The following GALNT16 variants were observed in gnomAD, a reference collection of about 807,000 sequenced individuals.
GALNT16 encodes the protein UDP-GalNAc:polypeptide N-acetylgalactosaminyltransferase-like protein 1.
GALNT16 carries 40 observed loss-of-function variants against 76.1 expected under a neutral mutation model. That is an observed-to-expected ratio of 0.53 (90% CI 0.41 to 0.68). The LOEUF (loss-of-function observed/expected upper bound fraction) is 0.68, where lower values mean the gene tolerates loss of function less well. Ranked by LOEUF, GALNT16 falls within the 30% of genes least tolerant of loss-of-function variation. The pLI, the probability that GALNT16 is intolerant of heterozygous loss-of-function variation, is 0.00. For synonymous variants in GALNT16, 276 were observed against 285.2 expected (o/e 0.97, Z 0.32); for missense variants, 621 against 731.9 (o/e 0.85, Z 1.75).
chr14:69,307,019 G>A (rs902317826), intron 1 of GALNT16, among the ~76,000 whole-genome samples: 1 of 152,102 alleles, frequency 6.6e-6, no homozygotes, highest in Non-Finnish European at 1.5e-5. Flanking sequence ...TGTCCCTCCC[G>A]GATCCAAAGC....
the GALNT16 span, among the ~76,000 whole-genome samples, chr14:69,386,084 G>C: frequency 6.6e-6 from 1 of 152,172 alleles, no homozygotes; most frequent in Non-Finnish European, 1.5e-5. Context: ...ACATTCATTT[G>C]AATGTTCTGA....
At chr14:69,325,437 AT>A in intron 4 of GALNT16, 33 bp downstream of exon 4, 1 of 1,270,008 alleles carries the variant, frequency 7.9e-7, no homozygotes, top group Non-Finnish European at 1.2e-6. Flanking sequence ...GCAGCCCTCC[AT>A]TCCGCCCTCG....
At chr14:69,366,009 G>A in the GALNT16 span, among the ~76,000 whole-genome samples, 9 of 152,276 alleles carry the variant, frequency 5.9e-5, no homozygotes, top group African/African-American at 1.7e-4. Context: ...CAAATAAAAC[G>A]GGACAACGGA....
chr14:69,264,850 G>A (rs1212015150), intron 1 of GALNT16, among the ~76,000 whole-genome samples: 2 of 84,888 alleles, frequency 2.4e-5, no homozygotes, highest in African/African-American at 6.3e-5. Flanking sequence ...GTCTCACTCT[G>A]TCACCCAGGC....
intron 1 of GALNT16, among the ~76,000 whole-genome samples, chr14:69,294,641 ACT>A (rs1174308982): frequency 2.0e-5 from 3 of 151,574 alleles, no homozygotes; most frequent in East Asian, 1.9e-4. Flanking sequence ...CCACTAATTT[ACT>A]CTCTGTCTCC....
rs1555399659 is a variant in GALNT16, at chr14:69,316,778, G to GC, written c.178-3933_178-3932insC. Among the ~76,000 whole-genome samples the GC allele has an allele frequency of 4.0e-5, 5 of 126,418 alleles. No homozygotes were observed. The East Asian group carries it at 1.6e-3, about 40-fold the overall frequency. 82.9% of individuals were successfully genotyped at this position (126,418 alleles called of 152,430 possible). A position where few individuals can be genotyped will look rare whatever the true frequency, so the allele number is the denominator to read the frequency against. ...AGCTTGGGGGCTTGTAGTCTGTGAG[G>GC]GGGGGGGGCACTGAAGGTCACGTGA... On this transcript the variant is annotated intron_variant, in intron 1 of 14. Transcript: ENST00000448469.
intron 6 of GALNT16, among the ~76,000 whole-genome samples, chr14:69,330,674 A>G (rs2045341559): frequency 6.6e-6 from 1 of 152,306 alleles, no homozygotes; most frequent in African/African-American, 2.4e-5. Flanking sequence ...TCCAGACAAG[A>G]GGATTTTGGG....
At position 69,334,711 on chromosome 14, in the gene GALNT16, T is replaced by A. The variant is rs117232742; in HGVS notation, c.967+1111T>A. 1.8e-4 allele frequency among the ~76,000 whole-genome samples: 27 copies of A among 152,238 alleles called. No homozygotes were observed. In the East Asian group the frequency reaches 5.0e-3, roughly 28 times the overall value. On this transcript the variant is annotated intron_variant, in intron 9 of 14. Transcript: ENST00000448469. ...AGCCCATGGCACCAGGTGGAGAGTG[T>A]CAGGGCTAAACACTCACCCTCACTC... is the stretch of plus-strand genomic sequence containing the variant.
downstream of GALNT16, chr14:69,355,757 T>C (rs2045688222): frequency 6.6e-6 from 1 of 152,296 alleles, no homozygotes; most frequent in South Asian, 2.1e-4. Context: ...CTCCCATTTG[T>C]ACAGCAGGGA....
At position 69,333,097 on chromosome 14, in the gene GALNT16, G is replaced by C. The variant is rs771964964; in HGVS notation, c.791G>C (p.Ser264Thr). 5.6e-6 allele frequency: 9 copies of C among 1,613,438 alleles called. No individual in the cohort carries two copies. In the South Asian group the frequency reaches 8.8e-5, roughly 16 times the overall value. ...CTGTGTCCCTTAGGGTTCGACTGGA[G>C]CCTGCATTTCAAGTGGGAGCAGATC... is the stretch of plus-strand genomic sequence containing the variant. ...SADLRGGFDW[S>T]LHFKWEQIPL... Residue 264 changes from serine to threonine, a missense_variant, in exon 8 of 15, where the codon AGC (serine) becomes ACC (threonine). Coordinates refer to ENST00000448469, the MANE Select transcript of GALNT16 (RefSeq NM_001168368.2). The surrounding 1 kb of genome is among the most constrained non-coding windows in gnomAD (Gnocchi z 4.2).
At chr14:69,264,431 G>T (rs2140096340) in intron 1 of GALNT16, among the ~76,000 whole-genome samples, 1 of 152,272 alleles carries the variant, frequency 6.6e-6, no homozygotes, top group South Asian at 2.1e-4. Context: ...GAAAGGTGTT[G>T]TGAAGTTTCT....
chr14:69,339,481 T>G (rs761515847), intron 10 of GALNT16, 46 bp from the exon 11 acceptor site: 3 of 1,123,434 alleles, frequency 2.7e-6, no homozygotes, highest in Admixed American at 3.4e-5. Flanking sequence ...CCGCTAACCC[T>G]GTTGCTTCCC....
chr14:69,274,996 T>A (rs2044453255), intron 1 of GALNT16, among the ~76,000 whole-genome samples: 1 of 152,192 alleles, frequency 6.6e-6, no homozygotes, highest in Non-Finnish European at 1.5e-5. Flanking sequence ...ATGGCACAGC[T>A]TACAAGGGGA....
intron 1 of GALNT16, among the ~76,000 whole-genome samples, chr14:69,275,110 G>A (rs1594813416): frequency 2.6e-5 from 4 of 152,188 alleles, no homozygotes; most frequent in Admixed American, 2.6e-4. Flanking sequence ...GGATTGGAAC[G>A]AGAAAGGGGT....
intron 1 of GALNT16, among the ~76,000 whole-genome samples, chr14:69,312,038 T>TAA (rs67438255): frequency 3.8e-4 from 48 of 125,816 alleles, no homozygotes; most frequent in African/African-American, 8.3e-4. Flanking sequence ...ATCCTGTTTC[T>TAA]AAAAAAAAAA....
chr14:69,373,354 C>T, the GALNT16 span, among the ~76,000 whole-genome samples: 1 of 152,224 alleles, frequency 6.6e-6, no homozygotes, highest in Non-Finnish European at 1.5e-5. Flanking sequence ...TAACTTCAAA[C>T]ATCTATTGAC....
chr14:69,378,876 T>G, the GALNT16 span, among the ~76,000 whole-genome samples: 28,514 of 152,116 alleles, frequency 0.19, 2,804 homozygotes, highest in South Asian at 0.26. Flanking sequence ...ACAGGCCAAA[T>G]GAAAAACAGG....
At position 69,332,051 on chromosome 14, in the gene GALNT16, G is replaced by A. The variant is rs142413688; in HGVS notation, c.778+500G>A. Among the ~76,000 whole-genome samples, 300 of 152,318 alleles carry A rather than the reference G, an allele frequency of 2.0e-3. 1 individual carries two copies. The highest frequency in any genetic ancestry group is 0.01 in the Middle Eastern group (3 of 294). ...ACTAGTCTTGAAAAGTGACTAGTTGGAATTAAGAGTGCTATAGGCATAGAA... is the reference window on the plus strand; with the variant it reads ...ACTAGTCTTGAAAAGTGACTAGTTGAAATTAAGAGTGCTATAGGCATAGAA... On this transcript the variant is annotated intron_variant, in intron 7 of 14. Transcript: ENST00000448469.
At chr14:69,272,671 C>A (rs1398424419) in intron 1 of GALNT16, among the ~76,000 whole-genome samples, 1 of 152,228 alleles carries the variant, frequency 6.6e-6, no homozygotes, top group Non-Finnish European at 1.5e-5. Context: ...TCACCCAGAG[C>A]AATTCCCAGT....
Sources: allele counts gnomAD v4.1 joint callset (sites outside exome capture counted in the v4.1 genomes callset), GRCh38; gene constraint gnomAD v4.1.1; non-coding constraint Gnocchi (gnomAD v3.1); transcripts MANE v1.5; gene names NCBI Gene and HGNC (gene_info 2026-07-23, HGNC 2026-07-21).